Variants in TMEM231 observed in about 807,000 individuals in gnomAD.
TMEM231 encodes transmembrane protein 231.
A neutral mutation model predicts 38.5 loss-of-function variants in TMEM231; 40 were observed. The ratio of observed to expected loss-of-function variants is 1.04; its 90% CI spans 0.81 to 1.35. The LOEUF (loss-of-function observed/expected upper bound fraction) is 1.35, where lower values mean the gene tolerates loss of function less well. Ranked by LOEUF, TMEM231 falls within the 40% of genes most tolerant of loss-of-function variation. The pLI, the probability that TMEM231 is intolerant of heterozygous loss-of-function variation, is 0.00. For missense variants in TMEM231, 420 were observed against 416.9 expected (o/e 1.01, Z -0.07); for synonymous variants, 199 against 181.7 (o/e 1.10, Z -0.77).
At chr16:75,551,322 T>C (rs2080758456) in intron 2 of TMEM231, among the ~76,000 whole-genome samples, 1 of 152,192 alleles carries the variant, frequency 6.6e-6, no homozygotes, top group Admixed American at 6.5e-5. Context: ...CTCAGCCTCC[T>C]GAGTAGCTGG....
intron 2 of TMEM231, among the ~76,000 whole-genome samples, chr16:75,553,898 A>ATTCTCAGT (rs1335348530): frequency 2.0e-5 from 3 of 152,066 alleles, no homozygotes; most frequent in Non-Finnish European, 4.4e-5. Flanking sequence ...TGCATTGAAA[A>ATTCTCAGT]TTCTCAGTTT....
chr16:75,539,148 A>C lies in TMEM231; in HGVS notation c.*846T>G, dbSNP rs893064815. On this transcript the variant is annotated 3_prime_UTR_variant, in exon 7 of 7. Transcript: ENST00000258173. ...TTTGCAGGAAGGGGGAGGGCTGTCAAGGAGGAGGAGGGCCAAGTGCCCAGG... is the reference window on the plus strand; with the variant it reads ...TTTGCAGGAAGGGGGAGGGCTGTCACGGAGGAGGAGGGCCAAGTGCCCAGG... The C allele has an allele frequency of 1.3e-5, 2 of 151,584 alleles. No homozygotes were observed. Among genetic ancestry groups the C allele is most frequent in the African/African-American group, 2.4e-5 (1 of 41,322 alleles). The allele number at this position is 151,584 out of a possible 1,614,324, so 9.4% of individuals were successfully genotyped here.
At position 75,555,876 on chromosome 16, in the gene TMEM231, C is replaced by G. The variant is rs1173763658; in HGVS notation, c.237G>C (p.Gly79=). ...LVALLGPESD[G]FLAWSTFPAF... ...CGGGGAACGTGCTCCAGGCGAGGAA[C>G]CCGTCGCTTTCGGGTCCGAGCAGGG... Residue 79 remains glycine, a synonymous_variant, in exon 2 of 7, where the codon GGG becomes GGC. Transcript: ENST00000258173. The G allele has an allele frequency of 6.3e-7, 1 of 1,592,722 alleles. No individual in the cohort carries two copies. Among genetic ancestry groups the G allele is most frequent in the South Asian group, 1.1e-5 (1 of 87,590 alleles).
At chr16:75,549,865 C>T (rs375304530) in intron 2 of TMEM231, among the ~76,000 whole-genome samples, 23 of 152,254 alleles carry the variant, frequency 1.5e-4, no homozygotes, top group Non-Finnish European at 2.6e-4. Flanking sequence ...TGCGCCACTA[C>T]GCCCAGCTGA....
chr16:75,545,075 T>C (rs1327349013), intron 4 of TMEM231, among the ~76,000 whole-genome samples: 4 of 150,586 alleles, frequency 2.7e-5, no homozygotes, highest in African/African-American at 9.8e-5. Context: ...CCTGCCTCAG[T>C]CTCCCAAGTA....
Position 75,542,652 on chromosome 16 carries a change from G to A in TMEM231, c.614C>T (p.Ala205Val). Residue 205 changes from alanine (A) to valine (V), a missense_variant, in exon 5 of 7, where the codon GCC becomes GTC. Physicochemically the swap from Ala to Val is moderately conservative, Grantham distance 64. Coordinates refer to ENST00000258173, the MANE Select transcript of TMEM231 (RefSeq NM_001077418.3). The stretch of plus-strand genomic sequence containing the variant: ...AATATGGGTGAGGTCGTAGTCATAG[G>A]CAAAGGGGCTGGTCCCGTTGATCAC... ...ISVINGTSPF[A>V]YDYDLTHIVA... The A allele has an allele frequency of 1.2e-6, 2 of 1,613,872 alleles. No homozygotes were observed. The highest frequency in any genetic ancestry group is 1.7e-6 in the Non-Finnish European group (2 of 1,179,850).
intron 6 of TMEM231, 62 bp from the exon 7 acceptor site, chr16:75,540,236 G>A: frequency 6.7e-7 from 1 of 1,500,834 alleles, no homozygotes; most frequent in Non-Finnish European, 8.9e-7. Context: ...AATCCAAGAT[G>A]GAATTGGCTG....
chr16:75,544,320 G>C (rs973889804), intron 4 of TMEM231, among the ~76,000 whole-genome samples: 3 of 152,214 alleles, frequency 2.0e-5, no homozygotes, highest in Admixed American at 1.3e-4. Context: ...TGTAGAAGCA[G>C]GTCAGAGAAG....
chr16:75,550,559 G>T (rs28571860), intron 2 of TMEM231, among the ~76,000 whole-genome samples: 9,020 of 152,166 alleles, frequency 0.059, 312 homozygotes, highest in Non-Finnish European at 0.069. Flanking sequence ...CACACCACCT[G>T]ACTGCAGGAA....
intron 3 of TMEM231, 134 bp from the exon 4 acceptor site, chr16:75,545,629 C>T: frequency 1.6e-6 from 1 of 636,100 alleles, no homozygotes; most frequent in Non-Finnish European, 2.5e-6. Context: ...GAAACACTGC[C>T]TAGAACCTTC....
At chr16:75,546,459 T>C (rs2080693070) in intron 2 of TMEM231, among the ~76,000 whole-genome samples, 1 of 152,130 alleles carries the variant, frequency 6.6e-6, no homozygotes, top group Non-Finnish European at 1.5e-5. Flanking sequence ...TTGTTTTTTT[T>C]TGAGCCGGGG....
chr16:75,544,649 T>TCTGAAATA (rs1475389773), intron 4 of TMEM231, among the ~76,000 whole-genome samples: 2 of 152,204 alleles, frequency 1.3e-5, no homozygotes, highest in African/African-American at 4.8e-5. Flanking sequence ...TAGTAATATT[T>TCTGAAATA]CTGAAATACT....
rs148652286 is a variant in TMEM231 at position 75,549,149 on chromosome 16, C to T, written c.310-3195G>A. Among the ~76,000 whole-genome samples the T allele has an allele frequency of 4.1e-3, 630 of 152,336 alleles. 3 individuals are homozygous for T. Among genetic ancestry groups the T allele is most frequent in the South Asian group, 0.019 (90 of 4,830 alleles). The stretch of plus-strand genomic sequence containing the variant: ...ATGACCTGTCACCAAGCTGGACTCT[C>T]ACCCTCCTGGGGCTGGCGAAGTTTG... On this transcript the variant is annotated intron_variant, in intron 2 of 6. Transcript: ENST00000258173.
intron 1 of TMEM231, 49 bp from the exon 2 acceptor site, chr16:75,556,022 C>T (rs1340316039): frequency 1.9e-6 from 3 of 1,569,364 alleles, no homozygotes; most frequent in Non-Finnish European, 1.7e-6. Flanking sequence ...CCGGCCCTGG[C>T]CGAGCGCGCC....
rs78196225 is a variant in TMEM231, at chr16:75,555,936, C to T, written c.177G>A (p.Pro59=). The T allele has an allele frequency of 6.2e-7, 1 of 1,604,606 alleles. No individual in the cohort carries two copies. Among genetic ancestry groups the T allele is most frequent in the East Asian group, 2.2e-5 (1 of 44,500 alleles). The change falls in exon 2 of 7, where the codon CCG becomes CCA. Residue 59 remains proline, a synonymous_variant. Coordinates refer to ENST00000258173, the MANE Select transcript of TMEM231 (RefSeq NM_001077418.3). ...GCACCTGGTGTTGGAAGCGCACGGTCGGCTGCTCCTCGTAGCTGCTCCGCT... is the reference window on the plus strand; with the variant it reads ...GCACCTGGTGTTGGAAGCGCACGGTTGGCTGCTCCTCGTAGCTGCTCCGCT... The part of the protein sequence containing the change: ...WLKRSSYEEQ[P]TVRFQHQVLL...
At chr16:75,541,084 G>T (rs1308004411) in intron 6 of TMEM231, among the ~76,000 whole-genome samples, 2 of 151,980 alleles carry the variant, frequency 1.3e-5, no homozygotes, top group Non-Finnish European at 2.9e-5. Flanking sequence ...CACAATCATC[G>T]CTCACTGCAA....
rs1005050571 is a variant in TMEM231 at position 75,545,639 on chromosome 16, C to T, written c.439-144G>A. 4.8e-6 allele frequency: 3 copies of T among 624,746 alleles called. No homozygotes were observed. The African/African-American group carries it at 7.5e-5, about 16-fold the overall frequency. 38.7% of individuals were successfully genotyped at this position (624,746 alleles called of 1,614,324 possible). A position where few individuals can be genotyped will look rare whatever the true frequency, so the allele number is the denominator to read the frequency against. The stretch of plus-strand genomic sequence containing the variant: ...TGCAGGAAACACTGCCTAGAACCTT[C>T]TGAGCTATTAATAGCCCATGTCAGT... On this transcript the variant is annotated intron_variant, in intron 3 of 6. Coordinates refer to ENST00000258173, the MANE Select transcript of TMEM231 (RefSeq NM_001077418.3).
chr16:75,555,004 G>A (rs2080795585), intron 2 of TMEM231: 1 of 152,118 alleles, frequency 6.6e-6, no homozygotes, highest in South Asian at 2.1e-4. Flanking sequence ...TTGGCTTGTA[G>A]GGCAATCATC....
At chr16:75,544,955 T>C (rs1049926877) in intron 4 of TMEM231, among the ~76,000 whole-genome samples, 63 of 133,916 alleles carry the variant, frequency 4.7e-4, no homozygotes, top group African/African-American at 1.1e-3. Flanking sequence ...TTTTCTTTTT[T>C]TTTTTTTTTT....
Sources: gnomAD v4.1 joint callset for allele counts (sites outside exome capture counted in the v4.1 genomes callset) on GRCh38, gnomAD v4.1.1 for gene constraint, MANE v1.5 for transcripts, NCBI Gene and HGNC (gene_info 2026-07-23, HGNC 2026-07-21) for gene names.